RELN: variants seen among roughly 807,000 people sequenced by gnomAD.
RELN encodes the protein reelin.
A neutral mutation model predicts 427.6 loss-of-function variants in RELN; 108 were observed. The observed-to-expected ratio is 0.25, with a 90% CI of 0.22 to 0.30. RELN has a LOEUF of 0.30. Ranked by LOEUF, RELN falls within the 10% of genes least tolerant of loss-of-function variation. The probability of loss-of-function intolerance (pLI) is 1.00; values close to 1 mark genes in which losing one functional copy is unlikely to be tolerated. For synonymous variants in RELN, 1,524 were observed against 1,513.4 expected (o/e 1.01, Z -0.16); for missense variants, 3,715 against 4,302.8 (o/e 0.86, Z 3.82).
intron 4 of RELN, among the ~76,000 whole-genome samples, chr7:103,772,221 A>G (rs1326649833): frequency 6.6e-6 from 1 of 152,218 alleles, no homozygotes; most frequent in East Asian, 1.9e-4. Flanking sequence ...CATAGTAAAA[A>G]GCACAGCCCT....
intron 19 of RELN, among the ~76,000 whole-genome samples, chr7:103,630,631 G>A (rs1832431979): frequency 1.3e-5 from 2 of 152,154 alleles, no homozygotes; most frequent in African/African-American, 4.8e-5. Flanking sequence ...ATTTCCAGGA[G>A]CGATTATTGT....
In RELN at chr7:103,989,383, G is replaced by GCCGCCGCCGC. The variant is rs71154386; in HGVS notation, c.-28_-27insGCGGCGGCGG. 8.5e-5 allele frequency: 53 copies of GCCGCCGCCGC among 625,332 alleles called. No homozygotes were observed. Among genetic ancestry groups the GCCGCCGCCGC allele is most frequent in the African/African-American group, 1.6e-4 (4 of 24,672 alleles). 38.7% of individuals were successfully genotyped at this position (625,332 alleles called of 1,614,324 possible). A position where few individuals can be genotyped will look rare whatever the true frequency, so the allele number is the denominator to read the frequency against. ...CCGCCGCCGCCGCCGCCGCCGCCGC[G>GCCGCCGCCGC]CGCCCTACGCGCCGCTCGCTCATTC... On this transcript the variant is annotated 5_prime_UTR_variant, in exon 1 of 65. Coordinates refer to ENST00000428762, the MANE Select transcript of RELN (RefSeq NM_005045.4). The surrounding 1 kb of genome is among the most constrained non-coding windows in gnomAD (Gnocchi z 4.9).
intron 3 of RELN, among the ~76,000 whole-genome samples, chr7:103,829,082 C>T (rs1793212268): frequency 6.6e-6 from 1 of 152,066 alleles, no homozygotes; most frequent in South Asian, 2.1e-4. Context: ...GTTTCCTCAT[C>T]TGCAAACTGA....
rs144067851 is a variant in RELN at position 103,916,461 on chromosome 7, C to G, written c.337+614G>C. ...AATCCCAGCCTGGCATGTTTAACAG[C>G]ATTATGGGTAAACTAGAGATTCCTA... On this transcript the variant is annotated intron_variant, in intron 2 of 64. Transcript: ENST00000428762. Among the ~76,000 whole-genome samples the G allele has an allele frequency of 3.7e-3, 570 of 152,198 alleles. 4 individuals are homozygous for G. Among genetic ancestry groups the G allele is most frequent in the African/African-American group, 0.013 (525 of 41,524 alleles).
In RELN at chr7:103,618,820, G is replaced by A. The variant is rs191702114; in HGVS notation, c.2703-7017C>T. ...GAGTTTCTTGGCTGCTGTTAATTAA[G>A]TATTTACACTGGCAGGGTGTGGTGG... On this transcript the variant is annotated intron_variant, in intron 20 of 64. Transcript: ENST00000428762. 5.5e-4 allele frequency among the ~76,000 whole-genome samples: 83 copies of A among 152,258 alleles called. No individual in the cohort carries two copies. In the East Asian group the frequency reaches 0.014, roughly 26 times the overall value.
At chr7:103,945,470 C>T (rs1796201857) in intron 1 of RELN, among the ~76,000 whole-genome samples, 1 of 152,132 alleles carries the variant, frequency 6.6e-6, no homozygotes, top group Admixed American at 6.5e-5. Flanking sequence ...CTACCGAAGA[C>T]AGACGAGCCT....
chr7:103,921,183 T>C (rs2116683039), intron 1 of RELN, among the ~76,000 whole-genome samples: 1 of 152,330 alleles, frequency 6.6e-6, no homozygotes, highest in South Asian at 2.1e-4. Flanking sequence ...AAACTCCATC[T>C]GACATCCTGT....
intron 31 of RELN, among the ~76,000 whole-genome samples, chr7:103,571,719 G>T (rs2117199926): frequency 6.6e-6 from 1 of 152,292 alleles, no homozygotes; most frequent in African/African-American, 2.4e-5. Flanking sequence ...CTCAGTAAAA[G>T]ATAACATTTA....
intron 1 of RELN, among the ~76,000 whole-genome samples, chr7:103,935,485 C>T (rs1050683379): frequency 1.3e-5 from 2 of 152,044 alleles, no homozygotes; most frequent in African/African-American, 4.8e-5. Flanking sequence ...CTGATACCTC[C>T]CCAACCCTAA....
intron 44 of RELN, among the ~76,000 whole-genome samples, chr7:103,539,830 C>G (rs1433367601): frequency 6.6e-6 from 1 of 152,108 alleles, no homozygotes. Flanking sequence ...TCTTCAAAGG[C>G]AAGAAAGAGG....
intron 51 of RELN, among the ~76,000 whole-genome samples, chr7:103,509,852 AAAG>A (rs1284240295): frequency 2.0e-5 from 3 of 152,238 alleles, no homozygotes; most frequent in Admixed American, 1.3e-4. Context: ...ACACTTCTCA[AAAG>A]AAGACATTTA....
At chr7:103,714,510 G>C (rs1256245695) in intron 8 of RELN, among the ~76,000 whole-genome samples, 4 of 152,170 alleles carry the variant, frequency 2.6e-5, no homozygotes, top group Non-Finnish European at 5.9e-5. Flanking sequence ...GGTCTGCCTG[G>C]TTGGTATGCT....
At chr7:103,896,927 G>T (rs954808910) in intron 2 of RELN, among the ~76,000 whole-genome samples, 5 of 152,066 alleles carry the variant, frequency 3.3e-5, no homozygotes, top group Non-Finnish European at 7.4e-5. Context: ...TTTTAAAGAG[G>T]TTTAATGGAC....
intron 2 of RELN, among the ~76,000 whole-genome samples, chr7:103,849,911 C>T (rs181013186): frequency 4.6e-5 from 7 of 152,306 alleles, no homozygotes; most frequent in African/African-American, 1.7e-4. Context: ...TGGCAAAACT[C>T]CTACTTATCA....
intron 34 of RELN, among the ~76,000 whole-genome samples, chr7:103,564,541 C>A (rs1337635211): frequency 6.6e-6 from 1 of 152,206 alleles, no homozygotes; most frequent in Non-Finnish European, 1.5e-5. Flanking sequence ...GGCCAAGATG[C>A]ACTTGAGGCA....
chr7:103,795,351 A>C (rs1792275281), intron 3 of RELN, among the ~76,000 whole-genome samples: 1 of 152,248 alleles, frequency 6.6e-6, no homozygotes, highest in South Asian at 2.1e-4. Context: ...TGGGCAAGTC[A>C]AAATGTGCAG....
chr7:103,802,771 A>G (rs1051426359), intron 3 of RELN, among the ~76,000 whole-genome samples: 2 of 152,254 alleles, frequency 1.3e-5, no homozygotes, highest in Non-Finnish European at 1.5e-5. Context: ...CATCTGAAAT[A>G]TCCAAGAAGG....
At chr7:103,675,438 A>T (rs140522493) in intron 11 of RELN, among the ~76,000 whole-genome samples, 3,200 of 152,316 alleles carry the variant, frequency 0.021, 128 homozygotes, top group African/African-American at 0.073. Flanking sequence ...GGAACAATCA[A>T]TATCATGAAA....
At chr7:103,949,117 G>A (rs562182093) in intron 1 of RELN, among the ~76,000 whole-genome samples, 6 of 148,170 alleles carry the variant, frequency 4.0e-5, no homozygotes, top group Admixed American at 6.7e-5. Flanking sequence ...ATATATATAT[G>A]TGTATACACA....
Sources: allele counts gnomAD v4.1 joint callset (sites outside exome capture counted in the v4.1 genomes callset), GRCh38; gene constraint gnomAD v4.1.1; non-coding constraint Gnocchi (gnomAD v3.1); transcripts MANE v1.5; gene names NCBI Gene and HGNC (gene_info 2026-07-23, HGNC 2026-07-21).